Variants in RIN2 observed in about 807,000 individuals in gnomAD.
RIN2 encodes Ras and Rab interactor 2.
Under a neutral mutation model 78.0 loss-of-function variants are expected in RIN2, and 36 were observed. The observed-to-expected ratio is 0.46, with a 90% CI of 0.35 to 0.61. The LOEUF is 0.61. Among genes scored for constraint, RIN2 ranks in the 20% least tolerant of loss-of-function variants. The pLI, the probability that RIN2 is intolerant of heterozygous loss-of-function variation, is 0.00. For missense variants in RIN2, 1,087 were observed against 1,159.7 expected, an observed-to-expected ratio of 0.94 and a Z score of 0.91; for synonymous variants, 466 against 466.8, an observed-to-expected ratio of 1.00 and a Z score of 0.02.
At chr20:19,937,289 G>A (rs1760661400) in intron 4 of RIN2, among the ~76,000 whole-genome samples, 1 of 152,246 alleles carries the variant, frequency 6.6e-6, no homozygotes, top group African/African-American at 2.4e-5. Flanking sequence ...GAAGAGGAAA[G>A]CAGACCAGTA....
At position 19,909,557 on chromosome 20, in the gene RIN2, G is replaced by A. The variant is rs545613501; in HGVS notation, c.57+19899G>A. 2.8e-4 allele frequency among the ~76,000 whole-genome samples: 42 copies of A among 152,236 alleles called. 1 individual carries two copies. The South Asian group carries it at 5.2e-3, about 19-fold the overall frequency. On this transcript the variant is annotated intron_variant, in intron 3 of 12. Transcript: ENST00000255006. ...TGTGTTGAGCCCCGGCACACACTCT[G>A]CACCCTACTCCCCGCTGGCATGGGA...
At chr20:19,993,285 TC>T (rs397699025) in intron 11 of RIN2, among the ~76,000 whole-genome samples, 2 of 151,890 alleles carry the variant, frequency 1.3e-5, no homozygotes, top group Admixed American at 6.6e-5. Flanking sequence ...TTTTTTTTTT[TC>T]CCGTGAGTTT....
chr20:19,914,999 C>T (rs966248007), intron 3 of RIN2, among the ~76,000 whole-genome samples: 2 of 152,088 alleles, frequency 1.3e-5, no homozygotes, highest in South Asian at 2.1e-4. Context: ...CTAAGACCTT[C>T]GGGATGACAG....
rs1421915011 is a variant in RIN2, at chr20:19,901,577, CCATTAGCCA to C, written c.57+11920_57+11928del. On this transcript the variant is annotated intron_variant, in intron 3 of 12. Transcript: ENST00000255006. The stretch of plus-strand genomic sequence containing the variant: ...CAAACTCCGTTGTTGGTATACACTG[CCATTAGCCA>C]AAGGAACAAATGATCAAATGGAAAA... Among the ~76,000 whole-genome samples, 524 of 152,302 alleles carry C rather than the reference CCATTAGCCA, an allele frequency of 3.4e-3. 3 individuals are homozygous for C. The highest frequency in any genetic ancestry group is 0.014 in the Middle Eastern group (4 of 294).
At chr20:19,878,420 G>C (rs1035136530) in intron 2 of RIN2, among the ~76,000 whole-genome samples, 5 of 152,154 alleles carry the variant, frequency 3.3e-5, no homozygotes, top group Admixed American at 2.6e-4. Context: ...AGAGCTATTG[G>C]AGGGAGAAGA....
intron 1 of RIN2, among the ~76,000 whole-genome samples, chr20:19,770,095 G>A (rs1239166715): frequency 3.3e-5 from 5 of 152,164 alleles, no homozygotes; most frequent in Non-Finnish European, 1.5e-5. Flanking sequence ...GTGTAATGAA[G>A]GTATGAAAGG....
chr20:19,843,995 C>T (rs1287243752), intron 2 of RIN2, among the ~76,000 whole-genome samples: 9 of 152,124 alleles, frequency 5.9e-5, no homozygotes, highest in Non-Finnish European at 5.9e-5. Context: ...GGCAAATTAA[C>T]AATCTTTAGA....
In RIN2 at chr20:19,928,752, A is replaced by G. The variant is rs546768666; in HGVS notation, c.58-6347A>G. Among the ~76,000 whole-genome samples the G allele has an allele frequency of 7.9e-5, 12 of 152,126 alleles. No homozygotes were observed. In the South Asian group the frequency reaches 2.5e-3, roughly 32 times the overall value. ...GCACGAATGCAGGACGAGGGAGTGG[A>G]CCCAACCCCTGACCTGCCTTCCTCT... On this transcript the variant is annotated intron_variant, in intron 3 of 12. Transcript: ENST00000255006.
intron 1 of RIN2, among the ~76,000 whole-genome samples, chr20:19,768,606 A>T (rs2033988188): frequency 6.6e-6 from 1 of 152,238 alleles, no homozygotes; most frequent in African/African-American, 2.4e-5. Flanking sequence ...CCAGAGTGGG[A>T]TACCTGTTCT....
chr20:19,845,768 T>A (rs983381808), intron 2 of RIN2, among the ~76,000 whole-genome samples: 8 of 152,150 alleles, frequency 5.3e-5, no homozygotes, highest in Non-Finnish European at 8.8e-5. Flanking sequence ...TTTGTTGCCA[T>A]TGCTTTTGGT....
chr20:19,839,392 G>T (rs1452281397), intron 2 of RIN2, among the ~76,000 whole-genome samples: 2 of 152,204 alleles, frequency 1.3e-5, no homozygotes, highest in East Asian at 1.9e-4. Flanking sequence ...CCACAGTGTG[G>T]CGACTGAGCA....
intron 1 of RIN2, among the ~76,000 whole-genome samples, chr20:19,769,924 G>A (rs894020682): frequency 3.3e-5 from 5 of 152,190 alleles, no homozygotes; most frequent in Non-Finnish European, 5.9e-5. Context: ...AATAATTATT[G>A]TAAGAGAAAA....
chr20:19,762,350 G>A (rs2033672945), intron 1 of RIN2, among the ~76,000 whole-genome samples: 1 of 152,212 alleles, frequency 6.6e-6, no homozygotes, highest in South Asian at 2.1e-4. Flanking sequence ...GGGACTCAAA[G>A]GAGAATTGTG....
chr20:19,993,657 A>T (rs371300401), intron 11 of RIN2, among the ~76,000 whole-genome samples: 2 of 152,074 alleles, frequency 1.3e-5, no homozygotes, highest in East Asian at 1.9e-4. Flanking sequence ...ATGGAACCAG[A>T]CACTCCCCGA....
intron 2 of RIN2, among the ~76,000 whole-genome samples, chr20:19,858,817 G>A (rs910286591): frequency 6.6e-6 from 1 of 152,136 alleles, no homozygotes; most frequent in African/African-American, 2.4e-5. Context: ...AAATGTTTGG[G>A]TCTGCTTTTC....
At chr20:19,968,301 T>A (rs989492304) in intron 7 of RIN2, among the ~76,000 whole-genome samples, 1 of 152,230 alleles carries the variant, frequency 6.6e-6, no homozygotes, top group Non-Finnish European at 1.5e-5. Flanking sequence ...AGAGCAAAGT[T>A]AAACAAAATA....
At chr20:19,972,386 G>T (rs1428398379) in intron 8 of RIN2, among the ~76,000 whole-genome samples, 1 of 152,192 alleles carries the variant, frequency 6.6e-6, no homozygotes, top group Non-Finnish European at 1.5e-5. Context: ...AAGGACTAAA[G>T]TGTCAAGGAC....
At chr20:19,937,370 G>A (rs2040689876) in intron 4 of RIN2, among the ~76,000 whole-genome samples, 1 of 152,192 alleles carries the variant, frequency 6.6e-6, no homozygotes, top group African/African-American at 2.4e-5. Flanking sequence ...CCCTGGCTCT[G>A]CACGTCTGAC....
intron 4 of RIN2, among the ~76,000 whole-genome samples, chr20:19,941,315 T>C (rs1263024712): frequency 6.6e-6 from 1 of 152,102 alleles, no homozygotes; most frequent in Non-Finnish European, 1.5e-5. Context: ...AGGTGAGAAC[T>C]GAAGATGAGA....
Sources: allele counts gnomAD v4.1 joint callset (sites outside exome capture counted in the v4.1 genomes callset), GRCh38; gene constraint gnomAD v4.1.1; transcripts MANE v1.5; gene names NCBI Gene and HGNC (gene_info 2026-07-23, HGNC 2026-07-21).